Variants in HCN1 observed in about 807,000 individuals in gnomAD.
HCN1 encodes the protein hyperpolarization activated cyclic nucleotide gated potassium channel 1, also known as potassium/sodium hyperpolarization-activated cyclic nucleotide-gated channel 1.
HCN1 carries 13 observed loss-of-function variants against 78.9 expected under a neutral mutation model. That is an observed-to-expected ratio of 0.16 (90% CI 0.11 to 0.26). HCN1 has a LOEUF of 0.26. HCN1 is among the 10% of genes least tolerant of loss of function. The pLI, the probability that HCN1 is intolerant of heterozygous loss-of-function variation, is 1.00. For missense variants in HCN1, 810 were observed against 1,154.3 expected (o/e 0.70, Z 4.32); for synonymous variants, 552 against 455.5 (o/e 1.21, Z -2.70).
At chr5:45,681,694 G>A (rs528452199) in intron 1 of HCN1, among the ~76,000 whole-genome samples, 1 of 152,168 alleles carries the variant, frequency 6.6e-6, no homozygotes. Context: ...TTTTAAAGGT[G>A]CACTGTTAAA....
At chr5:45,547,522 T>C (rs577471325) in intron 2 of HCN1, among the ~76,000 whole-genome samples, 33 of 152,032 alleles carry the variant, frequency 2.2e-4, no homozygotes, top group African/African-American at 7.5e-4. Context: ...CAGGCTGAGC[T>C]TTAATGTAGA....
intron 5 of HCN1, among the ~76,000 whole-genome samples, chr5:45,342,165 G>C (rs1746596474): frequency 6.6e-6 from 1 of 151,832 alleles, no homozygotes; most frequent in Non-Finnish European, 1.5e-5. Context: ...GAGAAATGAA[G>C]TGAATATTTT....
At chr5:45,589,991 A>G (rs960172768) in intron 2 of HCN1, among the ~76,000 whole-genome samples, 19 of 152,284 alleles carry the variant, frequency 1.2e-4, no homozygotes, top group African/African-American at 4.6e-4. Flanking sequence ...TCAAGGCAAG[A>G]TATCAATTGG....
chr5:45,549,809 C>T (rs1170014093), intron 2 of HCN1, among the ~76,000 whole-genome samples: 1 of 151,714 alleles, frequency 6.6e-6, no homozygotes, highest in Non-Finnish European at 1.5e-5. Flanking sequence ...AAGAAAAAAG[C>T]AAACAACCCC....
intron 6 of HCN1, among the ~76,000 whole-genome samples, chr5:45,302,107 C>T (rs1745638507): frequency 6.6e-6 from 1 of 151,996 alleles, no homozygotes; most frequent in South Asian, 2.1e-4. Context: ...TAGGGTATGT[C>T]CTTTTGTTTA....
chr5:45,355,934 T>C (rs979599604), intron 4 of HCN1, among the ~76,000 whole-genome samples: 2 of 152,022 alleles, frequency 1.3e-5, no homozygotes, highest in African/African-American at 2.4e-5. Context: ...TCTGTTAGAA[T>C]ACAACACACT....
Position 45,551,593 on chromosome 5 carries a change from AG to A in HCN1, c.850-89587del, listed in dbSNP as rs796803347. 8.5e-5 allele frequency among the ~76,000 whole-genome samples: 13 copies of A among 152,052 alleles called. 1 individual carries two copies. Among genetic ancestry groups the A allele is most frequent in the African/African-American group, 3.1e-4 (13 of 41,536 alleles). On this transcript the variant is annotated intron_variant, in intron 2 of 7. Coordinates refer to ENST00000303230, the MANE Select transcript of HCN1 (RefSeq NM_021072.4). ...AAGAAGGTAAAATACTGCCTCACAA[AG>A]GGCATTGTTTATTCAGATTATAATC...
intron 5 of HCN1, among the ~76,000 whole-genome samples, chr5:45,320,776 C>A (rs1194251902): frequency 1.3e-5 from 2 of 151,814 alleles, no homozygotes; most frequent in Non-Finnish European, 2.9e-5. Flanking sequence ...TGTCAGGTGG[C>A]AACTGAAGGC....
At chr5:45,526,880 T>C (rs975673050) in intron 2 of HCN1, among the ~76,000 whole-genome samples, 1 of 152,000 alleles carries the variant, frequency 6.6e-6, no homozygotes, top group African/African-American at 2.4e-5. Flanking sequence ...ATCAGCTTAA[T>C]TACCCCTGCC....
chr5:45,507,207 A>C (rs562631553), intron 2 of HCN1, among the ~76,000 whole-genome samples: 1 of 152,310 alleles, frequency 6.6e-6, no homozygotes, highest in African/African-American at 2.4e-5. Context: ...CATGGACAAC[A>C]ATCCTGTGAA....
At chr5:45,669,113 C>G (rs1746104199) in intron 1 of HCN1, among the ~76,000 whole-genome samples, 1 of 151,752 alleles carries the variant, frequency 6.6e-6, no homozygotes, top group African/African-American at 2.4e-5. Flanking sequence ...ATAGTTTACT[C>G]AAATCTAAAA....
At chr5:45,537,283 T>C (rs1742984355) in intron 2 of HCN1, among the ~76,000 whole-genome samples, 1 of 152,182 alleles carries the variant, frequency 6.6e-6, no homozygotes, top group Non-Finnish European at 1.5e-5. Flanking sequence ...TTTCAGTTTA[T>C]ATGATAGTTA....
rs1390026366 is a variant in HCN1 at position 45,262,761 on chromosome 5, A to G, written c.1833T>C (p.Thr611=). The G allele has an allele frequency of 1.4e-5, 23 of 1,614,152 alleles. No individual in the cohort carries two copies. Among genetic ancestry groups the G allele is most frequent in the Non-Finnish European group, 1.9e-5 (23 of 1,180,014 alleles). The part of the protein sequence containing the change: ...LLQKFQKDLN[T]GVFNNQENEI... Reference sequence around the variant, plus strand: ...CGTTCTCCTGATTGTTGAAAACACCAGTGTTCAGATCCTTCTGGAACTTTT... The same window carrying G: ...CGTTCTCCTGATTGTTGAAAACACCGGTGTTCAGATCCTTCTGGAACTTTT... Residue 611 remains threonine (T), a synonymous_variant, in exon 8 of 8, where the codon ACT becomes ACC. Coordinates refer to ENST00000303230, the MANE Select transcript of HCN1 (RefSeq NM_021072.4).
intron 6 of HCN1, among the ~76,000 whole-genome samples, chr5:45,277,531 G>A (rs1309046189): frequency 6.6e-6 from 1 of 152,044 alleles, no homozygotes; most frequent in Non-Finnish European, 1.5e-5. Context: ...ATAAAAGATT[G>A]TTTTGGGAAC....
intron 5 of HCN1, 51 bp downstream of exon 5, chr5:45,353,049 G>A (rs771274119): frequency 2.0e-6 from 3 of 1,472,178 alleles, no homozygotes; most frequent in South Asian, 1.1e-5. Context: ...CATGAAGAGA[G>A]AAAATAAACA....
chr5:45,372,690 TA>T (rs1293587233), intron 4 of HCN1, among the ~76,000 whole-genome samples: 26 of 141,986 alleles, frequency 1.8e-4, no homozygotes, highest in Admixed American at 1.4e-3. Context: ...TATTTATATA[TA>T]AAAATATATA....
At chr5:45,338,539 T>C (rs1746510553) in intron 5 of HCN1, among the ~76,000 whole-genome samples, 1 of 152,148 alleles carries the variant, frequency 6.6e-6, no homozygotes, top group African/African-American at 2.4e-5. Flanking sequence ...TTTGCCTTTC[T>C]GGATATCCTA....
At chr5:45,323,217 C>T (rs1463695225) in intron 5 of HCN1, among the ~76,000 whole-genome samples, 1 of 151,650 alleles carries the variant, frequency 6.6e-6, no homozygotes, top group African/African-American at 2.4e-5. Context: ...AAATATACAC[C>T]AGATTGTGAA....
chr5:45,511,210 T>G (rs1395288956), intron 2 of HCN1, among the ~76,000 whole-genome samples: 1 of 151,974 alleles, frequency 6.6e-6, no homozygotes, highest in Non-Finnish European at 1.5e-5. Context: ...AGCCAAAGTA[T>G]AAAATAAATT....
Sources: gnomAD v4.1 joint callset for allele counts (sites outside exome capture counted in the v4.1 genomes callset) on GRCh38, gnomAD v4.1.1 for gene constraint, MANE v1.5 for transcripts, NCBI Gene and HGNC (gene_info 2026-07-23, HGNC 2026-07-21) for gene names.